ATG4C: variants seen among roughly 807,000 people sequenced by gnomAD.
ATG4C encodes autophagy related 4C cysteine peptidase, also known as cysteine protease ATG4C.
Under a neutral mutation model 57.6 loss-of-function variants are expected in ATG4C, and 56 were observed. That is an observed-to-expected ratio of 0.97 (90% confidence interval 0.78 to 1.21). The LOEUF (loss-of-function observed/expected upper bound fraction) is 1.21, where lower values mean the gene tolerates loss of function less well. Ranked by LOEUF, ATG4C falls within the 50% of genes most tolerant of loss-of-function variation. The probability of loss-of-function intolerance (pLI) is 0.00; values close to 1 mark genes in which losing one functional copy is unlikely to be tolerated. For missense variants in ATG4C, 595 were observed against 529.8 expected (o/e 1.12, Z -1.21); for synonymous variants, 157 against 174.1 (o/e 0.90, Z 0.78).
intron 1 of ATG4C, among the ~76,000 whole-genome samples, chr1:62,792,360 AG>A (rs1664305794): frequency 6.6e-6 from 1 of 152,188 alleles, no homozygotes. Context: ...ACTCATAGAC[AG>A]TCTTCTGATC....
intron 3 of ATG4C, among the ~76,000 whole-genome samples, chr1:62,809,263 A>G (rs1664985466): frequency 6.6e-6 from 1 of 151,852 alleles, no homozygotes; most frequent in Non-Finnish European, 1.5e-5. Flanking sequence ...AAACTGTAAA[A>G]CACGGTCTAT....
At chr1:62,839,079 G>A (rs1666089557) in intron 9 of ATG4C, among the ~76,000 whole-genome samples, 1 of 152,162 alleles carries the variant, frequency 6.6e-6, no homozygotes, top group South Asian at 2.1e-4. Context: ...ATTTTCTAGA[G>A]ATGGAGTTTT....
At chr1:62,820,800 G>A (rs1665457377) in intron 5 of ATG4C, among the ~76,000 whole-genome samples, 2 of 152,050 alleles carry the variant, frequency 1.3e-5, no homozygotes, top group South Asian at 2.1e-4. Flanking sequence ...TTAATTTGCA[G>A]CAAATCTTGC....
At chr1:62,862,812 AATGTAAT>A (rs1179789868) in intron 10 of ATG4C, among the ~76,000 whole-genome samples, 5 of 152,160 alleles carry the variant, frequency 3.3e-5, no homozygotes, top group African/African-American at 1.2e-4. Flanking sequence ...AGAATCTATA[AATGTAAT>A]ATGTAAGAAA....
intron 3 of ATG4C, among the ~76,000 whole-genome samples, chr1:62,811,810 A>T (rs954348576): frequency 7.2e-5 from 11 of 152,192 alleles, no homozygotes; most frequent in Non-Finnish European, 1.3e-4. Context: ...ACTTAACGTC[A>T]TAGATAGTTC....
In ATG4C at chr1:62,863,977, T is replaced by A; in HGVS notation, c.1210-15T>A. The A allele has an allele frequency of 6.5e-7, 1 of 1,536,154 alleles. No individual in the cohort carries two copies. Among genetic ancestry groups the A allele is most frequent in the Non-Finnish European group, 8.8e-7 (1 of 1,136,772 alleles). ...TTGCATCCAATAAGGAATTCTTCTA[T>A]ACTTTCTGTTACAGATGCTGAAATT... On this transcript the variant is annotated splice_polypyrimidine_tract_variant and intron_variant, in intron 10 of 10. Transcript: ENST00000317868.
At chr1:62,820,810 C>A (rs1388626690) in intron 5 of ATG4C, among the ~76,000 whole-genome samples, 1 of 152,006 alleles carries the variant, frequency 6.6e-6, no homozygotes, top group Non-Finnish European at 1.5e-5. Context: ...GCAAATCTTG[C>A]AGCATATTCA....
At chr1:62,857,900 T>G (rs1666735019) in intron 10 of ATG4C, among the ~76,000 whole-genome samples, 1 of 152,172 alleles carries the variant, frequency 6.6e-6, no homozygotes, top group African/African-American at 2.4e-5. Flanking sequence ...TAGTTTGGTG[T>G]AAGTGAAATA....
intron 10 of ATG4C, among the ~76,000 whole-genome samples, chr1:62,849,811 G>A (rs1192431080): frequency 1.3e-5 from 2 of 151,774 alleles, no homozygotes; most frequent in African/African-American, 4.8e-5. Flanking sequence ...ACACCTGGCT[G>A]TACTTTATCC....
intron 10 of ATG4C, 52 bp from the exon 11 acceptor site, chr1:62,863,940 T>C (rs1051732465): frequency 1.5e-6 from 2 of 1,296,356 alleles, no homozygotes; most frequent in African/African-American, 1.5e-5. Context: ...CGTGTGGTCT[T>C]AGTGTGCACT....
intron 5 of ATG4C, 46 bp from the exon 6 acceptor site, chr1:62,821,093 T>A: frequency 6.9e-7 from 1 of 1,443,032 alleles, no homozygotes; most frequent in Non-Finnish European, 9.5e-7. Context: ...TAGTTGCCAA[T>A]AGGAAATGTT....
chr1:62,817,023 C>G (rs549162195), intron 4 of ATG4C, among the ~76,000 whole-genome samples: 1 of 152,102 alleles, frequency 6.6e-6, no homozygotes, highest in African/African-American at 2.4e-5. Flanking sequence ...ATTCCCTTTT[C>G]AAAAATGCAG....
chr1:62,830,312 A>G (rs1665800998), intron 7 of ATG4C, among the ~76,000 whole-genome samples: 1 of 152,006 alleles, frequency 6.6e-6, no homozygotes. Context: ...TCATCTAGAG[A>G]ATCTGTTGAG....
In ATG4C at chr1:62,819,252, A is replaced by T; in HGVS notation, c.642A>T (p.Leu214Phe). The T allele has an allele frequency of 6.2e-7, 1 of 1,613,604 alleles. No individual in the cohort carries two copies. The highest frequency in any genetic ancestry group is 1.1e-5 in the South Asian group (1 of 91,024). ...FGDSPLALFG[L>F]HQLIEYGKKS... ...ATTCCCCCTTGGCTCTTTTTGGCTT[A>T]CATCAACTAATAGAATATGGAAAGA... The change falls in exon 5 of 11, where the codon TTA becomes TTT. Residue 214 changes from leucine (L) to phenylalanine (F), a missense_variant. Transcript: ENST00000317868.
At chr1:62,820,499 T>C (rs1238834292) in intron 5 of ATG4C, among the ~76,000 whole-genome samples, 4 of 152,098 alleles carry the variant, frequency 2.6e-5, no homozygotes, top group Admixed American at 2.6e-4. Context: ...ATTACATATA[T>C]AGTTAAATAA....
intron 10 of ATG4C, among the ~76,000 whole-genome samples, chr1:62,841,834 T>C (rs1442018222): frequency 1.3e-5 from 2 of 152,212 alleles, no homozygotes; most frequent in Non-Finnish European, 2.9e-5. Context: ...TTAGGTTATA[T>C]TCTATTTGAA....
At chr1:62,787,957 A>G (rs1391062448) in intron 1 of ATG4C, among the ~76,000 whole-genome samples, 1 of 152,122 alleles carries the variant, frequency 6.6e-6, no homozygotes, top group Non-Finnish European at 1.5e-5. Context: ...TTGAGAAAAA[A>G]AATTTATTTG....
intron 9 of ATG4C, chr1:62,835,418 A>G (rs1054744881): frequency 1.4e-5 from 5 of 347,448 alleles, no homozygotes; most frequent in Non-Finnish European, 2.9e-5. Flanking sequence ...TAATTCAGAA[A>G]AATTTGAGAA....
intron 10 of ATG4C, among the ~76,000 whole-genome samples, chr1:62,852,361 G>GGAATT (rs1407366185): frequency 1.3e-5 from 2 of 151,846 alleles, no homozygotes; most frequent in African/African-American, 4.9e-5. Flanking sequence ...GCTCTGGCTG[G>GGAATT]GAATTGATTT....
Sources: allele counts gnomAD v4.1 joint callset (sites outside exome capture counted in the v4.1 genomes callset), GRCh38; gene constraint gnomAD v4.1.1; transcripts MANE v1.5; gene names NCBI Gene and HGNC (gene_info 2026-07-23, HGNC 2026-07-21).